Variants in ACKR2 observed in about 807,000 individuals in gnomAD.
ACKR2 encodes the protein atypical chemokine receptor 2.
For missense variants in ACKR2, 457 were observed against 477.3 expected (o/e 0.96, Z 0.40); for synonymous variants, 207 against 192.2 (o/e 1.08, Z -0.64).
At chr3:42,819,812 C>G (rs1322366959) in intron 2 of ACKR2, 101 bp downstream of exon 2, 1 of 152,304 alleles carries the variant, frequency 6.6e-6, no homozygotes, top group Admixed American at 6.5e-5. Context: ...AGCCCTCCTG[C>G]TCACCCACCA....
At chr3:42,859,356 A>G (rs2088356720) in intron 2 of ACKR2, among the ~76,000 whole-genome samples, 1 of 151,906 alleles carries the variant, frequency 6.6e-6, no homozygotes, top group African/African-American at 2.4e-5. Context: ...GCCAGAAGAG[A>G]GTGGGGGTCC....
intron 2 of ACKR2, among the ~76,000 whole-genome samples, chr3:42,839,510 C>T (rs554679403): frequency 3.3e-5 from 5 of 152,148 alleles, no homozygotes; most frequent in Admixed American, 1.3e-4. Flanking sequence ...AATGAATGAA[C>T]TGCAACTGCA....
intron 2 of ACKR2, among the ~76,000 whole-genome samples, chr3:42,853,087 G>A (rs1701180401): frequency 6.6e-6 from 1 of 152,172 alleles, no homozygotes; most frequent in Non-Finnish European, 1.5e-5. Flanking sequence ...GTAAGTGTCA[G>A]GGCTGGTTTC....
At chr3:42,820,276 T>C (rs1700795767) in intron 2 of ACKR2, among the ~76,000 whole-genome samples, 1 of 152,128 alleles carries the variant, frequency 6.6e-6, no homozygotes, top group Non-Finnish European at 1.5e-5. Context: ...TCTCCGTATG[T>C]TGATGTTTTT....
Position 42,865,166 on chromosome 3 carries a change from C to T in ACKR2, c.664C>T (p.Pro222Ser). ...GCAGAACCTCCTAGGGTTTCTCCTT[C>T]CACTCCTTGCCATGATCTTCTTCTA... ...FQQNLLGFLL[P>S]LLAMIFFYSR... Residue 222 changes from proline to serine, a missense_variant, in exon 3 of 3, where the codon CCA (proline) becomes TCA (serine). By Grantham distance (74) the Pro-to-Ser change is moderately conservative. Coordinates refer to ENST00000422265, the MANE Select transcript of ACKR2 (RefSeq NM_001296.5). 1 of 1,614,184 alleles carries T rather than the reference C, an allele frequency of 6.2e-7. No homozygotes were observed.
intron 2 of ACKR2, among the ~76,000 whole-genome samples, chr3:42,854,060 C>T (rs1020176682): frequency 7.9e-5 from 12 of 151,990 alleles, no homozygotes; most frequent in African/African-American, 2.9e-4. Flanking sequence ...GTAGGTAGGG[C>T]GGCCGTGAAA....
intron 2 of ACKR2, among the ~76,000 whole-genome samples, chr3:42,848,276 G>A (rs2125617382): frequency 7.4e-6 from 1 of 135,384 alleles, no homozygotes; most frequent in South Asian, 2.3e-4. Context: ...TGGAGTGCAC[G>A]GCACAATCTT....
intron 2 of ACKR2, among the ~76,000 whole-genome samples, chr3:42,850,107 G>C (rs1358432266): frequency 6.6e-6 from 1 of 152,112 alleles, no homozygotes; most frequent in African/African-American, 2.4e-5. Flanking sequence ...CTGTGGGAGG[G>C]ACCGAGGACC....
intron 2 of ACKR2, among the ~76,000 whole-genome samples, chr3:42,833,700 A>G (rs1700955476): frequency 7.6e-6 from 1 of 131,194 alleles, no homozygotes. Context: ...GATTTGAGAG[A>G]TCATTTAAAA....
chr3:42,830,900 A>C (rs139564188), intron 2 of ACKR2, among the ~76,000 whole-genome samples: 1 of 152,186 alleles, frequency 6.6e-6, no homozygotes, highest in East Asian at 1.9e-4. Context: ...ACCTCCCCCA[A>C]GTCAGTTAAT....
intron 1 of ACKR2, among the ~76,000 whole-genome samples, chr3:42,816,081 T>G (rs1700745128): frequency 6.6e-6 from 1 of 152,028 alleles, no homozygotes; most frequent in Admixed American, 6.6e-5. Flanking sequence ...CAACATTAAC[T>G]GGCATATAGT....
intron 1 of ACKR2, among the ~76,000 whole-genome samples, chr3:42,811,136 C>T (rs1023631828): frequency 1.3e-5 from 2 of 152,162 alleles, no homozygotes; most frequent in Admixed American, 1.3e-4. Context: ...AGGTGTGAGC[C>T]ACAGTGGCAG....
chr3:42,864,035 C>T (rs1305287269), intron 2 of ACKR2, among the ~76,000 whole-genome samples: 1 of 152,076 alleles, frequency 6.6e-6, no homozygotes, highest in Non-Finnish European at 1.5e-5. Flanking sequence ...AAAAGCCCCA[C>T]TGAAGCTAAG....
chr3:42,823,382 A>G (rs572553936), intron 2 of ACKR2, among the ~76,000 whole-genome samples: 2 of 152,302 alleles, frequency 1.3e-5, no homozygotes, highest in East Asian at 3.9e-4. Context: ...AGACAAAAGG[A>G]TGCTCAACTG....
chr3:42,836,646 C>T (rs1348643021), intron 2 of ACKR2, among the ~76,000 whole-genome samples: 1 of 152,174 alleles, frequency 6.6e-6, no homozygotes, highest in African/African-American at 2.4e-5. Flanking sequence ...AGGTGCACAA[C>T]CAGCAGTGCA....
intron 2 of ACKR2, among the ~76,000 whole-genome samples, chr3:42,863,283 T>C (rs1297084157): frequency 6.6e-6 from 1 of 151,964 alleles, no homozygotes; most frequent in African/African-American, 2.4e-5. Flanking sequence ...ATTAGAGAAA[T>C]GCAAATAAAA....
intron 2 of ACKR2, among the ~76,000 whole-genome samples, chr3:42,822,893 G>C: frequency 6.6e-6 from 1 of 150,948 alleles, no homozygotes; most frequent in Non-Finnish European, 1.5e-5. Context: ...CCCCAGTCAT[G>C]AAAGCTAGGA....
chr3:42,832,989 G>T (rs1334268533), intron 2 of ACKR2, among the ~76,000 whole-genome samples: 1 of 152,082 alleles, frequency 6.6e-6, no homozygotes, highest in Non-Finnish European at 1.5e-5. Flanking sequence ...TCAGCCTCCC[G>T]AGTAGCTGGG....
At chr3:42,847,030 G>T (rs1490465637) in intron 2 of ACKR2, among the ~76,000 whole-genome samples, 1 of 152,232 alleles carries the variant, frequency 6.6e-6, no homozygotes, top group Non-Finnish European at 1.5e-5. Context: ...GCAAGTGACG[G>T]GGTTTCTGAA....
Sources: allele counts gnomAD v4.1 joint callset (sites outside exome capture counted in the v4.1 genomes callset), GRCh38; gene constraint gnomAD v4.1.1; transcripts MANE v1.5; gene names NCBI Gene and HGNC (gene_info 2026-07-23, HGNC 2026-07-21).